DAZAP1: variants seen among roughly 807,000 people sequenced by gnomAD.
The protein encoded by DAZAP1 is DAZ associated protein 1.
A neutral mutation model predicts 60.1 loss-of-function variants in DAZAP1; 6 were observed. The observed-to-expected ratio is 0.10, with a 90% CI of 0.05 to 0.20. The LOEUF is 0.20. Ranked by LOEUF, DAZAP1 falls within the 10% of genes least tolerant of loss-of-function variation. The probability of loss-of-function intolerance (pLI) is 1.00; values close to 1 mark genes in which losing one functional copy is unlikely to be tolerated. For synonymous variants in DAZAP1, 235 were observed against 215.9 expected (o/e 1.09, Z -0.78); for missense variants, 366 against 560.4 (o/e 0.65, Z 3.50).
Position 1,418,789 on chromosome 19 carries a change from A to G in DAZAP1, c.303+58A>G, listed in dbSNP as rs113836595. 21 of 1,506,726 alleles carry G rather than the reference A, an allele frequency of 1.4e-5. No homozygotes were observed. Among genetic ancestry groups the G allele is most frequent in the Middle Eastern group, 1.8e-4 (1 of 5,664 alleles). The allele number at this position is 1,506,726 out of a possible 1,614,324, so 93.3% of individuals were successfully genotyped here. On this transcript the variant is annotated intron_variant, in intron 4 of 11. Coordinates refer to ENST00000233078, the MANE Select transcript of DAZAP1 (RefSeq NM_018959.4). This position sits in a 1 kb window ranked among gnomAD's most constrained non-coding sequence, Gnocchi z 5.7. ...GTTCTCCACTCCACGTGGAAAGGAA[A>G]TGCGTGCCTTCAATCTGCTGTTGTC...
intron 4 of DAZAP1, among the ~76,000 whole-genome samples, chr19:1,419,679 T>G (rs930779595): frequency 3.9e-5 from 6 of 152,192 alleles, no homozygotes; most frequent in African/African-American, 1.4e-4. Flanking sequence ...TAGCTTTTCT[T>G]AAGATATAAT....
chr19:1,413,989 CTGTGTGTGTGTG>C lies in DAZAP1; in HGVS notation c.30-3479_30-3468del, dbSNP rs3065755. Among the ~76,000 whole-genome samples, 30 of 130,152 alleles carry C rather than the reference CTGTGTGTGTGTG, an allele frequency of 2.3e-4. 1 individual carries two copies. The highest frequency in any genetic ancestry group is 1.5e-3 in the South Asian group (5 of 3,390). The allele number at this position is 130,152 out of a possible 152,430, so 85.4% of individuals were successfully genotyped here. A position where few individuals can be genotyped will look rare whatever the true frequency, so the allele number is the denominator to read the frequency against. ...TGCCTCTTGCCCCACCCCCAGTGAACTGTGTGTGTGTGTGTGTGTGTGTGTGTGTGTGTGTGT... is the reference window on the plus strand; with the variant it reads ...TGCCTCTTGCCCCACCCCCAGTGAACTGTGTGTGTGTGTGTGTGTGTGTGT... On this transcript the variant is annotated intron_variant, in intron 1 of 11. Coordinates refer to ENST00000233078, the MANE Select transcript of DAZAP1 (RefSeq NM_018959.4).
intron 4 of DAZAP1, among the ~76,000 whole-genome samples, chr19:1,420,680 G>C (rs1312580332): frequency 1.3e-5 from 2 of 152,200 alleles, no homozygotes; most frequent in Non-Finnish European, 2.9e-5. Context: ...GTTTGGGCCA[G>C]TGTTTCACAC....
chr19:1,432,593 G>A lies in DAZAP1; in HGVS notation c.951G>A (p.Gly317=), dbSNP rs781603153. The A allele has an allele frequency of 4.3e-6, 7 of 1,613,586 alleles. No individual in the cohort carries two copies. In the South Asian group the frequency reaches 5.5e-5, roughly 13 times the overall value. The stretch of plus-strand genomic sequence containing the variant: ...TTCCTCCTCCACCAGCCACTCCCGG[G>A]GCAGCACCTCTGGCTTTCCCACCGC... The part of the protein sequence containing the change: ...PGVPPPPATP[G]AAPLAFPPPP... The change falls in exon 11 of 12, where the codon GGG becomes GGA. Residue 317 remains glycine, a synonymous_variant. Transcript: ENST00000233078. This position sits in a 1 kb window ranked among gnomAD's most constrained non-coding sequence, Gnocchi z 4.9.
rs2083496139 is a variant in DAZAP1, at chr19:1,433,093, A to AC, written c.1048+407dup. The AC allele has an allele frequency of 4.9e-6, 1 of 203,538 alleles. No homozygotes were observed. The highest frequency in any genetic ancestry group is 8.5e-5 in the South Asian group (1 of 11,704). 12.6% of individuals were successfully genotyped at this position (203,538 alleles called of 1,614,324 possible). A position where few individuals can be genotyped will look rare whatever the true frequency, so the allele number is the denominator to read the frequency against. ...GTCATCAGCCTCCTGCTGGGTCCAG[A>AC]CCCCGCTTGGGGCAGAAGCTGGGTC... On this transcript the variant is annotated intron_variant, in intron 11 of 11. Transcript: ENST00000233078. This position sits in a 1 kb window ranked among gnomAD's most constrained non-coding sequence, Gnocchi z 6.1.
intron 8 of DAZAP1, 99 bp downstream of exon 8, chr19:1,429,094 T>C: frequency 2.2e-6 from 3 of 1,386,660 alleles, no homozygotes; most frequent in Non-Finnish European, 2.9e-6. Context: ...CCACCTCTGC[T>C]GTGCATGCAC....
chr19:1,421,193 G>A lies in DAZAP1; in HGVS notation c.349G>A (p.Val117Ile). Residue 117 changes from valine to isoleucine, a missense_variant, in exon 5 of 12, where the codon GTC (valine) becomes ATC (isoleucine). Around this residue, in one of 3 missense-constraint regions of DAZAP1, gnomAD observed 98 missense variants for 155.3 expected, o/e 0.63. Coordinates refer to ENST00000233078, the MANE Select transcript of DAZAP1 (RefSeq NM_018959.4). ...SDNSKSNKIFVGGIPHNCGET... is the reference protein window; with the variant it reads ...SDNSKSNKIFIGGIPHNCGET... ...TAACAGTAAATCAAATAAGATATTT[G>A]TCGGTGGAATTCCTCACAATTGTGG... is the stretch of plus-strand genomic sequence containing the variant. 6.2e-7 allele frequency: 1 copy of A among 1,614,220 alleles called. No individual in the cohort carries two copies. Among genetic ancestry groups the A allele is most frequent in the Non-Finnish European group, 8.5e-7 (1 of 1,180,030 alleles).
intron 1 of DAZAP1, among the ~76,000 whole-genome samples, chr19:1,413,134 T>C (rs1171417675): frequency 2.0e-5 from 3 of 152,128 alleles, no homozygotes; most frequent in African/African-American, 7.2e-5. Context: ...ACGTCCTCAG[T>C]CCACACGCCG....
chr19:1,408,268 C>T lies in DAZAP1; in HGVS notation c.29+466C>T, dbSNP rs2082722924. Among the ~76,000 whole-genome samples, 3 of 152,064 alleles carry T rather than the reference C, an allele frequency of 2.0e-5. No homozygotes were observed. In the South Asian group the frequency reaches 6.2e-4, roughly 31 times the overall value. ...GGGAACTTGGGGGGGTCTGGAGCGT[C>T]CCCGTTGCCGCCTGTAGGGCTTCCT... On this transcript the variant is annotated intron_variant, in intron 1 of 11. Coordinates refer to ENST00000233078, the MANE Select transcript of DAZAP1 (RefSeq NM_018959.4).
Position 1,418,144 on chromosome 19 carries a change from A to G in DAZAP1, c.71-60A>G. On this transcript the variant is annotated intron_variant, in intron 2 of 11. Coordinates refer to ENST00000233078, the MANE Select transcript of DAZAP1 (RefSeq NM_018959.4). The surrounding 1 kb of genome is among the most constrained non-coding windows in gnomAD (Gnocchi z 5.7). ...GAGTGTGCGTGCCGGCAGCACTGCC[A>G]GGCACGTGCCTAATGCTCTGGCCCT... 2 of 1,566,748 alleles carry G rather than the reference A, an allele frequency of 1.3e-6. No homozygotes were observed. The highest frequency in any genetic ancestry group is 2.3e-5 in the East Asian group (1 of 44,428).
In DAZAP1 at chr19:1,433,770, C is replaced by T; in HGVS notation, c.1049-967C>T. On this transcript the variant is annotated intron_variant, in intron 11 of 11. Transcript: ENST00000233078. This position sits in a 1 kb window ranked among gnomAD's most constrained non-coding sequence, Gnocchi z 6.1. ...GTTCCTATTCTCCAGCCCCGCCGGG[C>T]TGCGGCCCACACTTTGTTTACAGTC... The T allele has an allele frequency of 1.2e-6, 2 of 1,614,000 alleles. No homozygotes were observed. Among genetic ancestry groups the T allele is most frequent in the Middle Eastern group, 1.7e-4 (1 of 6,060 alleles).
chr19:1,411,666 G>T (rs1216155157), intron 1 of DAZAP1, among the ~76,000 whole-genome samples: 1 of 152,198 alleles, frequency 6.6e-6, no homozygotes, highest in African/African-American at 2.4e-5. Flanking sequence ...CGCGCAGCGT[G>T]CCCAGCTGTG....
intron 10 of DAZAP1, among the ~76,000 whole-genome samples, chr19:1,431,367 G>T (rs971031918): frequency 2.0e-5 from 3 of 151,558 alleles, no homozygotes; most frequent in Non-Finnish European, 4.4e-5. Flanking sequence ...CTGACCTCGT[G>T]ATTCGCCCGC....
chr19:1,407,991 G>T (rs528073661), intron 1 of DAZAP1, among the ~76,000 whole-genome samples, 189 bp downstream of exon 1: 116 of 150,634 alleles, frequency 7.7e-4, no homozygotes, highest in African/African-American at 2.6e-3. Context: ...GTCTGGGGGG[G>T]TCCTGGCGCC....
At chr19:1,414,854 A>C (rs2082930735) in intron 1 of DAZAP1, among the ~76,000 whole-genome samples, 2 of 151,002 alleles carry the variant, frequency 1.3e-5, no homozygotes, top group Non-Finnish European at 2.9e-5. Context: ...AAGAGATGAG[A>C]TCTCTGTCAC....
Position 1,435,145 on chromosome 19 carries a change from T to A in DAZAP1, c.*233T>A, listed in dbSNP as rs1293425013. Reference sequence around the variant, plus strand: ...AAGTCACTGGTTCAACAACAGGGTTTAAAAAAAATGTCTTCAGCTTTAATT... The same window carrying A: ...AAGTCACTGGTTCAACAACAGGGTTAAAAAAAAATGTCTTCAGCTTTAATT... On this transcript the variant is annotated 3_prime_UTR_variant, in exon 12 of 12. Transcript: ENST00000233078. 3 of 306,828 alleles carry A rather than the reference T, an allele frequency of 9.8e-6. No homozygotes were observed. The highest frequency in any genetic ancestry group is 2.2e-5 in the African/African-American group (1 of 46,510). The allele number at this position is 306,828 out of a possible 1,614,324, so 19.0% of individuals were successfully genotyped here.
At chr19:1,430,722 G>GTT (rs1171958291) in intron 10 of DAZAP1, among the ~76,000 whole-genome samples, 47 of 137,842 alleles carry the variant, frequency 3.4e-4, no homozygotes, top group African/African-American at 7.3e-4. Flanking sequence ...AGCTCTAATT[G>GTT]TTTTTTTTTT....
intron 4 of DAZAP1, among the ~76,000 whole-genome samples, chr19:1,420,429 T>C (rs1447439301): frequency 1.3e-5 from 2 of 151,836 alleles, no homozygotes; most frequent in Non-Finnish European, 2.9e-5. Context: ...CAAAGGTTTA[T>C]AGTCTTTTAT....
rs145639291 is a variant in DAZAP1 at position 1,432,328 on chromosome 19, G to C, written c.872-186G>C. The C allele has an allele frequency of 6.1e-6, 4 of 650,768 alleles. No individual in the cohort carries two copies. Among genetic ancestry groups the C allele is most frequent in the South Asian group, 3.6e-5 (2 of 55,998 alleles). The allele number at this position is 650,768 out of a possible 1,614,324, so 40.3% of individuals were successfully genotyped here. ...ACGCTCCCAGGAGTGTGTGTTTCCT[G>C]GGGGGAGCGGCCCGGGACCGTGGCT... On this transcript the variant is annotated intron_variant, in intron 10 of 11. Transcript: ENST00000233078. The surrounding 1 kb of genome is among the most constrained non-coding windows in gnomAD (Gnocchi z 4.9).
Sources: gnomAD v4.1 joint callset for allele counts (sites outside exome capture counted in the v4.1 genomes callset) on GRCh38, gnomAD v4.1.1 for gene constraint, gnomAD v4.1.1 regional missense constraint, Gnocchi (gnomAD v3.1) non-coding constraint, MANE v1.5 for transcripts, NCBI Gene and HGNC (gene_info 2026-07-23, HGNC 2026-07-21) for gene names.